Variants in CHRM5 observed in about 807,000 individuals in gnomAD.
CHRM5 encodes cholinergic receptor muscarinic 5, also known as muscarinic acetylcholine receptor M5.
In CHRM5, 18 loss-of-function variants were observed where a neutral mutation model predicts 39.0. The observed-to-expected ratio is 0.46, with a 90% CI of 0.32 to 0.68. The LOEUF (loss-of-function observed/expected upper bound fraction) is 0.68, where lower values mean the gene tolerates loss of function less well. Among genes scored for constraint, CHRM5 ranks in the 30% least tolerant of loss-of-function variants. The pLI is 0.04. For missense variants in CHRM5, 515 were observed against 651.1 expected, an observed-to-expected ratio of 0.79 and a Z score of 2.28; for synonymous variants, 241 against 246.3, an observed-to-expected ratio of 0.98 and a Z score of 0.20.
At chr15:34,011,571 T>C (rs1398831939) in intron 1 of CHRM5, among the ~76,000 whole-genome samples, 8 of 152,130 alleles carry the variant, frequency 5.3e-5, no homozygotes, top group African/African-American at 1.9e-4. Flanking sequence ...GCAAAAGAAG[T>C]ATATACAGCT....
chr15:34,055,612 T>C (rs916559066), intron 2 of CHRM5, among the ~76,000 whole-genome samples: 4 of 151,662 alleles, frequency 2.6e-5, no homozygotes, highest in African/African-American at 9.7e-5. Context: ...CCATCCTGGC[T>C]AACATGGTGA....
intron 1 of CHRM5, among the ~76,000 whole-genome samples, chr15:33,975,287 C>T (rs982049102): frequency 6.6e-6 from 1 of 152,176 alleles, no homozygotes; most frequent in Non-Finnish European, 1.5e-5. Context: ...CATATAGACA[C>T]TGCCAAATAC....
chr15:34,042,353 G>A (rs1046567950), intron 1 of CHRM5, among the ~76,000 whole-genome samples: 11 of 150,674 alleles, frequency 7.3e-5, no homozygotes, highest in Admixed American at 2.7e-4. Context: ...CCTTAGAAAC[G>A]AAACTGTACT....
Position 33,989,266 on chromosome 15 carries a change from C to T in CHRM5, c.-408+20116C>T, listed in dbSNP as rs188907758. Among the ~76,000 whole-genome samples, 14 of 152,156 alleles carry T rather than the reference C, an allele frequency of 9.2e-5. No individual in the cohort carries two copies. In the Middle Eastern group the frequency reaches 0.01, roughly 111 times the overall value. ...TTCATGACAGCCCCGTGTTAATGACCTAATTTCAAATATGACCCACAGTAT... is the reference window on the plus strand; with the variant it reads ...TTCATGACAGCCCCGTGTTAATGACTTAATTTCAAATATGACCCACAGTAT... On this transcript the variant is annotated intron_variant, in intron 1 of 2. Transcript: ENST00000383263.
rs144037353 is a variant in CHRM5, at chr15:33,974,884, A to G, written c.-408+5734A>G. On this transcript the variant is annotated intron_variant, in intron 1 of 2. Coordinates refer to ENST00000383263, the MANE Select transcript of CHRM5 (RefSeq NM_012125.4). Reference sequence around the variant, plus strand: ...GCTACTTGGAGGCTGGGGCCGGAGAATCGCTTGAACCCAGGAGGTGGAGCT... The same window carrying G: ...GCTACTTGGAGGCTGGGGCCGGAGAGTCGCTTGAACCCAGGAGGTGGAGCT... 4.6e-4 allele frequency among the ~76,000 whole-genome samples: 70 copies of G among 152,284 alleles called. 1 individual carries two copies. In the East Asian group the frequency reaches 0.01, roughly 22 times the overall value.
intron 1 of CHRM5, among the ~76,000 whole-genome samples, chr15:33,970,110 G>C (rs889466181): frequency 6.6e-6 from 1 of 151,948 alleles, no homozygotes; most frequent in Non-Finnish European, 1.5e-5. Flanking sequence ...AGGGAAACAA[G>C]AGCATATCAC....
At chr15:33,970,912 TCAGCATCAATCC>T (rs1380478187) in intron 1 of CHRM5, among the ~76,000 whole-genome samples, 1 of 151,986 alleles carries the variant, frequency 6.6e-6, no homozygotes, top group Non-Finnish European at 1.5e-5. Flanking sequence ...TTGGTCCTTG[TCAGCATCAATCC>T]CAGTGAATTT....
intron 2 of CHRM5, among the ~76,000 whole-genome samples, chr15:34,054,733 T>G (rs1900063733): frequency 6.6e-6 from 1 of 152,078 alleles, no homozygotes; most frequent in African/African-American, 2.4e-5. Context: ...GTAATAGATG[T>G]TGGGCTTAAT....
chr15:34,001,241 C>T (rs1012244063), intron 1 of CHRM5, among the ~76,000 whole-genome samples: 4 of 152,092 alleles, frequency 2.6e-5, no homozygotes, highest in Admixed American at 2.0e-4. Context: ...AGGATGGTCT[C>T]GAACTCCTGA....
At chr15:34,016,453 C>T (rs1426771224) in intron 1 of CHRM5, among the ~76,000 whole-genome samples, 1 of 152,158 alleles carries the variant, frequency 6.6e-6, no homozygotes, top group East Asian at 1.9e-4. Context: ...GTACTTGATT[C>T]TCTGCATGTG....
chr15:34,007,036 A>G (rs1294287166), intron 1 of CHRM5: 6 of 981,864 alleles, frequency 6.1e-6, no homozygotes, highest in East Asian at 1.1e-4. Context: ...TTTCACTGTA[A>G]TAGTTCATAC....
intron 2 of CHRM5, among the ~76,000 whole-genome samples, chr15:34,047,652 C>T (rs538547492): frequency 3.9e-4 from 59 of 152,296 alleles, no homozygotes; most frequent in Admixed American, 3.3e-3. Flanking sequence ...TTCTAGCTTG[C>T]GGCTTTGGAG....
intron 1 of CHRM5, among the ~76,000 whole-genome samples, chr15:33,986,041 T>C (rs74007648): frequency 0.02 from 3,004 of 152,254 alleles, 100 homozygotes; most frequent in African/African-American, 0.068. Flanking sequence ...TTCTATTAAG[T>C]TGATTTTTGT....
intron 1 of CHRM5, among the ~76,000 whole-genome samples, chr15:34,040,230 G>C (rs1899411334): frequency 6.6e-6 from 1 of 152,132 alleles, no homozygotes; most frequent in African/African-American, 2.4e-5. Context: ...AGATAATCTA[G>C]TCGTGTGAAT....
intron 1 of CHRM5, among the ~76,000 whole-genome samples, chr15:34,005,115 A>G (rs1285136045): frequency 6.6e-6 from 1 of 152,100 alleles, no homozygotes; most frequent in Non-Finnish European, 1.5e-5. Context: ...CAGTACACAT[A>G]CTTCCAGATC....
intron 1 of CHRM5, among the ~76,000 whole-genome samples, chr15:33,973,230 T>C (rs1237238852): frequency 6.6e-6 from 1 of 152,234 alleles, no homozygotes; most frequent in Non-Finnish European, 1.5e-5. Flanking sequence ...TAGCACTGAA[T>C]AATGTGTTCT....
chr15:34,063,860 C>T lies in CHRM5; in HGVS notation c.1143C>T (p.Phe381=), dbSNP rs760293530. 2 of 1,614,126 alleles carry T rather than the reference C, an allele frequency of 1.2e-6. No individual in the cohort carries two copies. The highest frequency in any genetic ancestry group is 8.5e-7 in the Non-Finnish European group (1 of 1,180,014). The change falls in exon 3 of 3, where the codon TTC becomes TTT. Residue 381 remains phenylalanine (F), a synonymous_variant. Coordinates refer to ENST00000383263, the MANE Select transcript of CHRM5 (RefSeq NM_012125.4). The surrounding 1 kb of genome is among the most constrained non-coding windows in gnomAD (Gnocchi z 4.1). ...GTCAGAAATGTGTGGCCTATAAGTTCCGATTGGTGGTAAAAGCTGACGGGA... is the reference window on the plus strand; with the variant it reads ...GTCAGAAATGTGTGGCCTATAAGTTTCGATTGGTGGTAAAAGCTGACGGGA... ...PKSQKCVAYK[F]RLVVKADGNQ... is the part of the protein sequence containing the mutation.
chr15:34,019,292 A>G (rs1363780363), intron 1 of CHRM5, among the ~76,000 whole-genome samples: 1 of 152,276 alleles, frequency 6.6e-6, no homozygotes, highest in Non-Finnish European at 1.5e-5. Context: ...TTTTTAAAAT[A>G]GAAAACAAAA....
chr15:33,981,088 C>CT (rs71119907), intron 1 of CHRM5, among the ~76,000 whole-genome samples: 115,149 of 151,970 alleles, frequency 0.76, 48,649 homozygotes, highest in Non-Finnish European at 0.95. Context: ...TCCAAGACTC[C>CT]CCAGTTTTGG....
Sources: allele counts gnomAD v4.1 joint callset (sites outside exome capture counted in the v4.1 genomes callset), GRCh38; gene constraint gnomAD v4.1.1; non-coding constraint Gnocchi (gnomAD v3.1); transcripts MANE v1.5; gene names NCBI Gene and HGNC (gene_info 2026-07-23, HGNC 2026-07-21).